The following ANO6 variants were observed in gnomAD, a reference collection of about 807,000 sequenced individuals.
ANO6 encodes anoctamin 6, also known as anoctamin-6.
ANO6 carries 106 observed loss-of-function variants against 117.5 expected under a neutral mutation model. The observed-to-expected ratio is 0.90, with a 90% CI of 0.77 to 1.06. The LOEUF is 1.06. Among genes scored for constraint, ANO6 ranks in the 50% least tolerant of loss-of-function variants. The pLI is 0.00. For synonymous variants in ANO6, 367 were observed against 385.1 expected (o/e 0.95, Z 0.55); for missense variants, 955 against 1,121.1 (o/e 0.85, Z 2.12).
chr12:45,357,546 A>T, intron 8 of ANO6, 122 bp downstream of exon 8: 1 of 1,270,230 alleles, frequency 7.9e-7, no homozygotes, highest in Non-Finnish European at 1.1e-6. Context: ...GCTTGGGATG[A>T]TATATCCCTT....
chr12:45,438,119 C>T (rs1350536449), intron 19 of ANO6, among the ~76,000 whole-genome samples: 1 of 152,140 alleles, frequency 6.6e-6, no homozygotes, highest in African/African-American at 2.4e-5. Context: ...CAAGCTGCCT[C>T]ATCCTGCCCA....
chr12:45,319,186 C>G (rs1214563899), intron 2 of ANO6, among the ~76,000 whole-genome samples: 1 of 152,158 alleles, frequency 6.6e-6, no homozygotes, highest in Non-Finnish European at 1.5e-5. Context: ...GCATCCCTGT[C>G]TTGTGCCAGG....
chr12:45,291,215 G>A (rs1193360476), intron 1 of ANO6, among the ~76,000 whole-genome samples: 1 of 151,994 alleles, frequency 6.6e-6, no homozygotes, highest in African/African-American at 2.4e-5. Context: ...GCATGGTGGT[G>A]CATGCCTGTA....
Position 45,348,631 on chromosome 12 carries a change from T to C in ANO6, c.747T>C (p.Asp249=). ...GIYKAAFPLH[D]CKFRRQSEDP... ...ACAAGGCAGCTTTCCCACTCCATGA[T>C]GTAAGTTAAAAGGCAAAAATGAACT... is the stretch of plus-strand genomic sequence containing the variant. The change falls in exon 6 of 20, where the codon GAT becomes GAC. Residue 249 remains aspartate (D), a splice_region_variant and synonymous_variant. Transcript: ENST00000320560. The C allele has an allele frequency of 6.2e-7, 1 of 1,612,376 alleles. No homozygotes were observed. The highest frequency in any genetic ancestry group is 1.3e-5 in the African/African-American group (1 of 75,012).
intron 1 of ANO6, among the ~76,000 whole-genome samples, chr12:45,231,659 AT>A (rs984919162): frequency 1.3e-5 from 2 of 152,228 alleles, no homozygotes; most frequent in Non-Finnish European, 2.9e-5. Context: ...GCTGTACTCT[AT>A]TTGGAAGATT....
At position 45,255,818 on chromosome 12, in the gene ANO6, G is replaced by GTTTT. The variant is rs551517877; in HGVS notation, c.70+39444_70+39447dup. Among the ~76,000 whole-genome samples the GTTTT allele has an allele frequency of 7.6e-4, 62 of 81,688 alleles. 3 individuals carry two copies. Among genetic ancestry groups the GTTTT allele is most frequent in the African/African-American group, 2.2e-3 (48 of 22,238 alleles). 53.6% of individuals were successfully genotyped at this position (81,688 alleles called of 152,430 possible). A position where few individuals can be genotyped will look rare whatever the true frequency, so the allele number is the denominator to read the frequency against. ...CTGGCCCCAGGTTTTCTCCCTGGGT[G>GTTTT]TTTTTTTTTTTTTTTTTTTTGAGAC... On this transcript the variant is annotated intron_variant, in intron 1 of 19. Coordinates refer to ENST00000320560, the MANE Select transcript of ANO6 (RefSeq NM_001025356.3).
At chr12:45,235,654 C>T (rs943972682) in intron 1 of ANO6, among the ~76,000 whole-genome samples, 6 of 152,302 alleles carry the variant, frequency 3.9e-5, no homozygotes, top group African/African-American at 1.2e-4. Flanking sequence ...TCTCCTCATT[C>T]TTCAGTATGG....
chr12:45,410,057 T>C (rs932095435), intron 16 of ANO6, among the ~76,000 whole-genome samples: 1 of 152,170 alleles, frequency 6.6e-6, no homozygotes, highest in African/African-American at 2.4e-5. Context: ...GGCCCGGCCA[T>C]CTTTACCACG....
chr12:45,377,916 G>A, intron 9 of ANO6, 137 bp from the exon 10 acceptor site: 3 of 806,692 alleles, frequency 3.7e-6, no homozygotes, highest in Non-Finnish European at 6.4e-6. Context: ...AATGATGTAT[G>A]ATCATAGATG....
In ANO6 at chr12:45,346,658, A is replaced by G. The variant is rs546163344; in HGVS notation, c.280-364A>G. 4.8e-4 allele frequency among the ~76,000 whole-genome samples: 73 copies of G among 152,344 alleles called. 1 individual carries two copies. Among genetic ancestry groups the G allele is most frequent in the African/African-American group, 1.8e-3 (73 of 41,584 alleles). On this transcript the variant is annotated intron_variant, in intron 3 of 19. Coordinates refer to ENST00000320560, the MANE Select transcript of ANO6 (RefSeq NM_001025356.3). ...CAACTCTGAAAACTCGTATCAGTGA[A>G]TAGGACTCAGAAAGCTCAATTTGTA...
chr12:45,369,441 C>T (rs1363772949), intron 9 of ANO6, among the ~76,000 whole-genome samples: 2 of 152,092 alleles, frequency 1.3e-5, no homozygotes, highest in Admixed American at 6.5e-5. Flanking sequence ...CTTTCTTCTG[C>T]TCCACCTACC....
chr12:45,391,795 G>A (rs1348781040), intron 12 of ANO6, among the ~76,000 whole-genome samples: 3 of 152,184 alleles, frequency 2.0e-5, no homozygotes, highest in African/African-American at 7.2e-5. Flanking sequence ...GGAGGTGGAG[G>A]TTGCAGGGAG....
At chr12:45,261,671 C>T (rs1007246415) in intron 1 of ANO6, among the ~76,000 whole-genome samples, 1 of 152,208 alleles carries the variant, frequency 6.6e-6, no homozygotes, top group Non-Finnish European at 1.5e-5. Flanking sequence ...ATTTGGATGT[C>T]TCAGTCTCTT....
At chr12:45,363,048 G>T (rs1476250622) in intron 8 of ANO6, among the ~76,000 whole-genome samples, 1 of 152,040 alleles carries the variant, frequency 6.6e-6, no homozygotes, top group Non-Finnish European at 1.5e-5. Context: ...AAGCCTGAAG[G>T]ACTCTCTTAG....
At chr12:45,332,682 A>G (rs1181852764) in intron 3 of ANO6, among the ~76,000 whole-genome samples, 1 of 152,188 alleles carries the variant, frequency 6.6e-6, no homozygotes, top group East Asian at 1.9e-4. Flanking sequence ...CCTGTTTGGC[A>G]CATAGTTTGG....
intron 9 of ANO6, among the ~76,000 whole-genome samples, chr12:45,372,749 G>A (rs1001296709): frequency 1.3e-5 from 2 of 152,188 alleles, no homozygotes; most frequent in East Asian, 1.9e-4. Flanking sequence ...ACCAGGCGCT[G>A]CAAAATCATG....
At chr12:45,272,796 A>G (rs1938433294) in intron 1 of ANO6, among the ~76,000 whole-genome samples, 1 of 152,232 alleles carries the variant, frequency 6.6e-6, no homozygotes, top group Non-Finnish European at 1.5e-5. Context: ...CTGCAGTCCC[A>G]CTTCTGAGTA....
intron 19 of ANO6, among the ~76,000 whole-genome samples, chr12:45,437,621 G>A (rs1274623937): frequency 6.6e-6 from 1 of 152,116 alleles, no homozygotes; most frequent in African/African-American, 2.4e-5. Flanking sequence ...CCAGGCTGGA[G>A]AGCAGCGGCG....
intron 1 of ANO6, among the ~76,000 whole-genome samples, chr12:45,239,037 A>C (rs1947694633): frequency 6.6e-6 from 1 of 152,214 alleles, no homozygotes; most frequent in Non-Finnish European, 1.5e-5. Flanking sequence ...CTTTGGTATC[A>C]GGATGATGCT....
Sources: gnomAD v4.1 joint callset for allele counts (sites outside exome capture counted in the v4.1 genomes callset) on GRCh38, gnomAD v4.1.1 for gene constraint, MANE v1.5 for transcripts, NCBI Gene and HGNC (gene_info 2026-07-23, HGNC 2026-07-21) for gene names.